PCDH15: variants seen among roughly 807,000 people sequenced by gnomAD.
The protein encoded by PCDH15 is protocadherin related 15.
In PCDH15, 129 loss-of-function variants were observed where a neutral mutation model predicts 178.5. That is an observed-to-expected ratio of 0.72 (90% CI 0.63 to 0.84). The LOEUF (loss-of-function observed/expected upper bound fraction) is 0.84. PCDH15 is among the 40% of genes least tolerant of loss of function. The probability of loss-of-function intolerance (pLI) is 0.00; values close to 1 mark genes in which losing one functional copy is unlikely to be tolerated. For missense variants in PCDH15, 2,230 were observed against 2,099.9 expected (o/e 1.06, Z -1.21); for synonymous variants, 800 against 732.0 (o/e 1.09, Z -1.50).
At chr10:55,150,670 G>A (rs1348585) in intron 2 of PCDH15, among the ~76,000 whole-genome samples, 81,421 of 151,896 alleles carry the variant, frequency 0.54, 22,277 homozygotes, top group South Asian at 0.64. Context: ...TAATGACAAT[G>A]TCATGATATT....
intron 2 of PCDH15, among the ~76,000 whole-genome samples, chr10:54,643,772 CTTTT>C (rs71010400): frequency 3.0e-3 from 354 of 116,844 alleles, no homozygotes; most frequent in African/African-American, 0.01. Context: ...CAGTTATTTT[CTTTT>C]TTTTTTTTTT....
intron 2 of PCDH15, among the ~76,000 whole-genome samples, chr10:55,409,280 A>C (rs1280582239): frequency 1.3e-5 from 2 of 152,122 alleles, no homozygotes; most frequent in Non-Finnish European, 2.9e-5. Flanking sequence ...TTCATCTGCT[A>C]CTGTCTCCAC....
chr10:54,753,349 A>T (rs560773585), intron 1 of PCDH15, among the ~76,000 whole-genome samples: 3 of 152,064 alleles, frequency 2.0e-5, no homozygotes, highest in African/African-American at 7.2e-5. Context: ...TGCCCAGCTA[A>T]CTTTTTGTAT....
chr10:53,922,060 C>G (rs1468884969), intron 25 of PCDH15, among the ~76,000 whole-genome samples: 1 of 151,488 alleles, frequency 6.6e-6, no homozygotes, highest in Admixed American at 6.6e-5. Context: ...AGAAAGTTGT[C>G]TTTGTTTATG....
intron 1 of PCDH15, among the ~76,000 whole-genome samples, chr10:55,283,569 T>C (rs1842789453): frequency 6.6e-6 from 1 of 151,704 alleles, no homozygotes; most frequent in Non-Finnish European, 1.5e-5. Context: ...TTACTACTTT[T>C]CTTATTACTA....
intron 2 of PCDH15, among the ~76,000 whole-genome samples, chr10:55,125,796 A>G (rs190287896): frequency 1.3e-5 from 2 of 152,080 alleles, no homozygotes; most frequent in African/African-American, 4.8e-5. Context: ...AGCAGTCCCC[A>G]TATTAATGAA....
At chr10:54,231,306 A>C (rs1044999576) in intron 9 of PCDH15, among the ~76,000 whole-genome samples, 2 of 152,238 alleles carry the variant, frequency 1.3e-5, no homozygotes, top group Non-Finnish European at 2.9e-5. Flanking sequence ...TGCAAGCCAT[A>C]GCCTTGGCAG....
intron 13 of PCDH15, among the ~76,000 whole-genome samples, chr10:54,157,802 G>A (rs1473346833): frequency 1.3e-5 from 2 of 152,084 alleles, no homozygotes; most frequent in Non-Finnish European, 2.9e-5. Flanking sequence ...TGAATGTTTT[G>A]CTGCTAAGAA....
intron 2 of PCDH15, among the ~76,000 whole-genome samples, chr10:55,330,738 T>G (rs1844177333): frequency 6.6e-6 from 1 of 151,852 alleles, no homozygotes; most frequent in African/African-American, 2.4e-5. Flanking sequence ...CCAGATAAGC[T>G]TAGCTTTTTG....
intron 3 of PCDH15, among the ~76,000 whole-genome samples, chr10:54,386,395 T>C (rs547774657): frequency 7.2e-5 from 11 of 152,210 alleles, no homozygotes; most frequent in Admixed American, 1.3e-4. Flanking sequence ...AAGCTTGCTT[T>C]AGGGTTTTCT....
chr10:54,715,467 T>C (rs1301346607), intron 1 of PCDH15, among the ~76,000 whole-genome samples: 17 of 152,116 alleles, frequency 1.1e-4, no homozygotes. Flanking sequence ...CACTGTGAGC[T>C]TTAATTCACG....
At chr10:54,290,829 T>C (rs1490829020) in intron 8 of PCDH15, among the ~76,000 whole-genome samples, 1 of 152,184 alleles carries the variant, frequency 6.6e-6, no homozygotes, top group African/African-American at 2.4e-5. Flanking sequence ...AAGGGATCAA[T>C]TCAACAAGAA....
chr10:55,513,426 C>G (rs1317653840), intron 2 of PCDH15, among the ~76,000 whole-genome samples: 1 of 151,936 alleles, frequency 6.6e-6, no homozygotes, highest in Non-Finnish European at 1.5e-5. Context: ...ACCTTTCTTT[C>G]AATTAGAGTT....
intron 4 of PCDH15, among the ~76,000 whole-genome samples, chr10:54,377,080 T>C (rs1307138377): frequency 1.3e-5 from 2 of 151,972 alleles, no homozygotes; most frequent in African/African-American, 2.4e-5. Flanking sequence ...AAATTTTATG[T>C]AAAAAGTAGG....
intron 13 of PCDH15, among the ~76,000 whole-genome samples, chr10:54,167,447 G>C (rs1297996121): frequency 6.6e-6 from 1 of 152,098 alleles, no homozygotes; most frequent in African/African-American, 2.4e-5. Context: ...GCCGGTCACG[G>C]ACAGGGAAGG....
At chr10:53,859,316 G>A (rs2078955174) in intron 27 of PCDH15, among the ~76,000 whole-genome samples, 1 of 152,180 alleles carries the variant, frequency 6.6e-6, no homozygotes. Context: ...CCTGGACCAT[G>A]ATGTGGGTTA....
At chr10:54,891,389 CAT>C in intron 3 of PCDH15, among the ~76,000 whole-genome samples, 1 of 152,206 alleles carries the variant, frequency 6.6e-6, no homozygotes, top group Non-Finnish European at 1.5e-5. Flanking sequence ...GCAAAAGCAA[CAT>C]AGGATTCAGA....
At chr10:54,269,839 C>T (rs1324322412) in intron 8 of PCDH15, among the ~76,000 whole-genome samples, 1 of 151,924 alleles carries the variant, frequency 6.6e-6, no homozygotes, top group Non-Finnish European at 1.5e-5. Flanking sequence ...TGGAACACCA[C>T]TTCATCTTAA....
intron 1 of PCDH15, among the ~76,000 whole-genome samples, chr10:54,700,343 A>G (rs1364080283): frequency 6.6e-6 from 1 of 152,122 alleles, no homozygotes; most frequent in Non-Finnish European, 1.5e-5. Flanking sequence ...CTAGTTCCCC[A>G]GCAATGGTTC....
Sources: gnomAD v4.1 joint callset for allele counts (sites outside exome capture counted in the v4.1 genomes callset) on GRCh38, gnomAD v4.1.1 for gene constraint, MANE v1.5 for transcripts, NCBI Gene and HGNC (gene_info 2026-07-23, HGNC 2026-07-21) for gene names.